CNOT7: variants seen among roughly 807,000 people sequenced by gnomAD.
CNOT7 encodes the protein BTG1-binding factor 1.
In CNOT7, 4 loss-of-function variants were observed where a neutral mutation model predicts 37.1. The ratio of observed to expected loss-of-function variants is 0.11; its 90% CI spans 0.05 to 0.25. The LOEUF is 0.25. CNOT7 is among the 10% of genes least tolerant of loss of function. The pLI, the probability that CNOT7 is intolerant of heterozygous loss-of-function variation, is 1.00. For missense variants in CNOT7, 170 were observed against 336.2 expected (o/e 0.51, Z 3.87); for synonymous variants, 128 against 115.6 (o/e 1.11, Z -0.69).
intron 1 of CNOT7, 121 bp from the exon 2 acceptor site, chr8:17,245,368 ATC>A: frequency 2.3e-6 from 1 of 432,200 alleles, no homozygotes; most frequent in Non-Finnish European, 3.9e-6. Flanking sequence ...AAAAAAAAAA[ATC>A]AAAGTTTAGA....
At chr8:17,232,631 A>G (rs1366114989) in intron 5 of CNOT7, 94 bp from the exon 6 acceptor site, 3 of 1,044,256 alleles carry the variant, frequency 2.9e-6, no homozygotes, top group Non-Finnish European at 4.3e-6. Context: ...AAATAAAAAT[A>G]AACTTTAGTA....
chr8:17,233,171 A>C (rs1808859770), intron 5 of CNOT7, among the ~76,000 whole-genome samples: 1 of 152,098 alleles, frequency 6.6e-6, no homozygotes, highest in Non-Finnish European at 1.5e-5. Context: ...TAACAGAAGG[A>C]AAGAAAGTGG....
chr8:17,228,360 A>G lies in CNOT7; in HGVS notation c.*2360T>C, dbSNP rs1022739138. The G allele has an allele frequency of 6.6e-6, 1 of 151,964 alleles. No individual in the cohort carries two copies. The highest frequency in any genetic ancestry group is 1.5e-5 in the Non-Finnish European group (1 of 67,862). The allele number at this position is 151,964 out of a possible 1,614,324, so 9.4% of individuals were successfully genotyped here. On this transcript the variant is annotated 3_prime_UTR_variant, in exon 7 of 7. Coordinates refer to ENST00000361272, the MANE Select transcript of CNOT7 (RefSeq NM_013354.7). ...ACATTGAGACTGTCTGGAACAAAAT[A>G]AAAAAGTAAAACTTAGACCCAGTAA... is the stretch of plus-strand genomic sequence containing the variant.
intron 3 of CNOT7, chr8:17,241,301 C>T (rs1394117445): frequency 7.6e-6 from 1 of 131,630 alleles, no homozygotes; most frequent in South Asian, 2.4e-4. Context: ...TTTGTAGAGA[C>T]AGAGTCTATG....
At chr8:17,231,856 AACT>A in intron 6 of CNOT7, 2 of 985,902 alleles carry the variant, frequency 2.0e-6, no homozygotes, top group Non-Finnish European at 2.4e-6. Flanking sequence ...TTTCTGATGC[AACT>A]ACTACGTTGG....
At chr8:17,244,844 G>C (rs1347263972) in intron 2 of CNOT7, 192 bp downstream of exon 2, 13 of 528,074 alleles carry the variant, frequency 2.5e-5, no homozygotes, top group Non-Finnish European at 4.4e-5. Context: ...TCACTGCAAT[G>C]AGGGATAAAC....
Position 17,229,132 on chromosome 8 carries a change from TGAAG to T in CNOT7, c.*1584_*1587del, listed in dbSNP as rs1398895441. ...TGGACTAATAATCATCTAGGGTTAA[TGAAG>T]GAAGTTACTGAATTCTGTTGAGTTG... On this transcript the variant is annotated 3_prime_UTR_variant, in exon 7 of 7. Coordinates refer to ENST00000361272, the MANE Select transcript of CNOT7 (RefSeq NM_013354.7). 1.3e-5 allele frequency: 2 copies of T among 151,916 alleles called. No homozygotes were observed. Among genetic ancestry groups the T allele is most frequent in the African/African-American group, 2.4e-5 (1 of 41,426 alleles). The allele number at this position is 151,916 out of a possible 1,614,324, so 9.4% of individuals were successfully genotyped here. A position where few individuals can be genotyped will look rare whatever the true frequency, so the allele number is the denominator to read the frequency against.
intron 6 of CNOT7, 89 bp downstream of exon 6, chr8:17,232,338 G>A: frequency 1.2e-6 from 2 of 1,605,834 alleles, no homozygotes; most frequent in South Asian, 1.1e-5. Flanking sequence ...TACTTAGTAG[G>A]TACTTGTTGC....
At chr8:17,230,952 A>C in intron 6 of CNOT7, 104 bp from the exon 7 acceptor site, 1 of 772,994 alleles carries the variant, frequency 1.3e-6, no homozygotes, top group South Asian at 2.0e-5. Context: ...ACTGACAATA[A>C]TGATGGCTCT....
At position 17,228,349 on chromosome 8, in the gene CNOT7, T is replaced by C. The variant is rs1467998347; in HGVS notation, c.*2371A>G. The C allele has an allele frequency of 6.6e-6, 1 of 151,908 alleles. No individual in the cohort carries two copies. Among genetic ancestry groups the C allele is most frequent in the Non-Finnish European group, 1.5e-5 (1 of 67,828 alleles). The allele number at this position is 151,908 out of a possible 1,614,324, so 9.4% of individuals were successfully genotyped here. ...AGACTTTACAAACATTGAGACTGTCTGGAACAAAATAAAAAAGTAAAACTT... is the reference window on the plus strand; with the variant it reads ...AGACTTTACAAACATTGAGACTGTCCGGAACAAAATAAAAAAGTAAAACTT... On this transcript the variant is annotated 3_prime_UTR_variant, in exon 7 of 7. Coordinates refer to ENST00000361272, the MANE Select transcript of CNOT7 (RefSeq NM_013354.7).
intron 5 of CNOT7, 139 bp downstream of exon 5, chr8:17,234,577 T>C: frequency 1.1e-6 from 1 of 893,440 alleles, no homozygotes; most frequent in East Asian, 2.6e-5. Context: ...AGAAAAAAAA[T>C]CACATGACCA....
rs1036803167 is a variant in CNOT7 at position 17,225,872 on chromosome 8, A to AG, written c.*4847_*4848insC. On this transcript the variant is annotated 3_prime_UTR_variant, in exon 7 of 7. Transcript: ENST00000361272. ...TCCCTTTATTTATAAATTCTAACAC[A>AG]TTTATTTTATAGACATGAGATAACA... is the stretch of plus-strand genomic sequence containing the variant. The AG allele has an allele frequency of 3.3e-5, 5 of 151,538 alleles. No homozygotes were observed. The highest frequency in any genetic ancestry group is 1.2e-4 in the African/African-American group (5 of 41,334). 9.4% of individuals were successfully genotyped at this position (151,538 alleles called of 1,614,324 possible).
chr8:17,234,481 T>C, intron 5 of CNOT7: 1 of 472,858 alleles, frequency 2.1e-6, no homozygotes, highest in Non-Finnish European at 3.9e-6. Flanking sequence ...GAACCGGACC[T>C]AAGCCTGAAA....
At chr8:17,237,676 T>C in intron 3 of CNOT7, 1 of 234,986 alleles carries the variant, frequency 4.3e-6, no homozygotes, top group Non-Finnish European at 8.5e-6. Context: ...GAAAAGGGTC[T>C]CCTATTCACC....
Position 17,243,089 on chromosome 8 carries a change from A to G in CNOT7, c.214T>C (p.Leu72=), listed in dbSNP as rs772237948. ...GTCAGTCCTAGCTGAATTATCTTTA[A>G]CAAGTCTACATTACACCGCAATAGT... ...YQLLRCNVDL[L]KIIQLGLTFM... The change falls in exon 3 of 7, where the codon TTA becomes CTA. Residue 72 remains leucine, a synonymous_variant. Coordinates refer to ENST00000361272, the MANE Select transcript of CNOT7 (RefSeq NM_013354.7). The G allele has an allele frequency of 6.2e-7, 1 of 1,612,690 alleles. No homozygotes were observed. The highest frequency in any genetic ancestry group is 1.7e-5 in the Admixed American group (1 of 59,628).
At chr8:17,231,194 A>G (rs941207032) in intron 6 of CNOT7, among the ~76,000 whole-genome samples, 1 of 152,250 alleles carries the variant, frequency 6.6e-6, no homozygotes, top group African/African-American at 2.4e-5. Flanking sequence ...GGGGAAAAAA[A>G]GTTTAGGTTC....
intron 4 of CNOT7, among the ~76,000 whole-genome samples, chr8:17,236,719 T>G (rs765377016): frequency 6.6e-6 from 1 of 152,196 alleles, no homozygotes; most frequent in African/African-American, 2.4e-5. Context: ...TTTTAAAAAC[T>G]GTCTGCCCAC....
Position 17,245,160 on chromosome 8 carries a change from G to A in CNOT7, c.-8C>T, listed in dbSNP as rs1434888482. ...TACAGTTGCCGCTGGCATAGTGAGG[G>A]CACAAGGGAGTCTAGATGCCAAGCA... On this transcript the variant is annotated 5_prime_UTR_variant, in exon 2 of 7. Coordinates refer to ENST00000361272, the MANE Select transcript of CNOT7 (RefSeq NM_013354.7). 1.9e-6 allele frequency: 3 copies of A among 1,603,820 alleles called. No homozygotes were observed. Among genetic ancestry groups the A allele is most frequent in the Admixed American group, 3.4e-5 (2 of 58,254 alleles).
rs1719339535 is a variant in CNOT7, at chr8:17,228,021, AG to A, written c.*2698del. The A allele has an allele frequency of 1.3e-5, 2 of 151,988 alleles. No homozygotes were observed. Among genetic ancestry groups the A allele is most frequent in the Non-Finnish European group, 2.9e-5 (2 of 67,858 alleles). The allele number at this position is 151,988 out of a possible 1,614,324, so 9.4% of individuals were successfully genotyped here. ...CTCAACTTTCCCATTATAGCAAAAA[AG>A]TATCCATAGATAATATGTAAATTAG... On this transcript the variant is annotated 3_prime_UTR_variant, in exon 7 of 7. Transcript: ENST00000361272.
Sources: gnomAD v4.1 joint callset for allele counts (sites outside exome capture counted in the v4.1 genomes callset) on GRCh38, gnomAD v4.1.1 for gene constraint, MANE v1.5 for transcripts, NCBI Gene and HGNC (gene_info 2026-07-23, HGNC 2026-07-21) for gene names.